Variants in WDR70 observed in about 807,000 individuals in gnomAD.
The protein encoded by WDR70 is WD repeat domain 70.
In WDR70, 53 loss-of-function variants were observed where a neutral mutation model predicts 88.6. That is an observed-to-expected ratio of 0.60 (90% CI 0.48 to 0.75). WDR70 has a LOEUF of 0.75. WDR70 is among the 30% of genes least tolerant of loss of function. WDR70 has a pLI of 0.00. For missense variants in WDR70, 610 were observed against 823.2 expected (o/e 0.74, Z 3.17); for synonymous variants, 280 against 270.0 (o/e 1.04, Z -0.36).
chr5:37,490,773 C>T (rs535298477), intron 8 of WDR70, among the ~76,000 whole-genome samples: 258 of 152,228 alleles, frequency 1.7e-3, no homozygotes, highest in African/African-American at 5.7e-3. Flanking sequence ...CTAGAGGCAG[C>T]ATCCACAGGG....
intron 10 of WDR70, among the ~76,000 whole-genome samples, chr5:37,635,759 G>A (rs946749878): frequency 6.6e-6 from 1 of 152,120 alleles, no homozygotes; most frequent in Non-Finnish European, 1.5e-5. Flanking sequence ...GATTGATATG[G>A]TTTGGCTGTG....
At chr5:37,660,028 A>G (rs921325480) in intron 10 of WDR70, among the ~76,000 whole-genome samples, 11 of 152,146 alleles carry the variant, frequency 7.2e-5, no homozygotes, top group African/African-American at 2.7e-4. Context: ...TTTATTTTTG[A>G]ACTATGGAAT....
At chr5:37,668,553 G>C (rs1029269142) in intron 10 of WDR70, among the ~76,000 whole-genome samples, 1 of 152,192 alleles carries the variant, frequency 6.6e-6, no homozygotes, top group African/African-American at 2.4e-5. Context: ...TTAATGTGAA[G>C]GTAACTTGTG....
chr5:37,478,042 C>T (rs1324010300), intron 7 of WDR70, among the ~76,000 whole-genome samples: 1 of 152,164 alleles, frequency 6.6e-6, no homozygotes, highest in Non-Finnish European at 1.5e-5. Flanking sequence ...GGCAGAAAAA[C>T]ATGCTTCATG....
chr5:37,445,775 T>C (rs1162411541), intron 7 of WDR70, among the ~76,000 whole-genome samples: 4 of 152,208 alleles, frequency 2.6e-5, no homozygotes, highest in Non-Finnish European at 2.9e-5. Flanking sequence ...AATTAGGTAT[T>C]GATGGGACAT....
chr5:37,658,116 G>A (rs1428529728), intron 10 of WDR70, among the ~76,000 whole-genome samples: 1 of 151,712 alleles, frequency 6.6e-6, no homozygotes, highest in Non-Finnish European at 1.5e-5. Flanking sequence ...TTAATTAAGT[G>A]GAAGTGGATC....
chr5:37,544,988 A>G (rs1741942480), intron 9 of WDR70, among the ~76,000 whole-genome samples: 1 of 152,074 alleles, frequency 6.6e-6, no homozygotes, highest in African/African-American at 2.4e-5. Context: ...CTTCTTCTGT[A>G]TTTTAAGTAT....
chr5:37,568,312 T>C (rs1187820504), intron 9 of WDR70, among the ~76,000 whole-genome samples: 1 of 152,204 alleles, frequency 6.6e-6, no homozygotes, highest in East Asian at 1.9e-4. Context: ...ACCTGGTCCT[T>C]ACCTTAAGTT....
chr5:37,677,340 TG>T (rs1746261031), intron 10 of WDR70, among the ~76,000 whole-genome samples: 1 of 152,206 alleles, frequency 6.6e-6, no homozygotes, highest in Admixed American at 6.5e-5. Flanking sequence ...GTGTCAATTT[TG>T]GATCTTTCCT....
At chr5:37,584,145 CCTT>C (rs1374205427) in intron 9 of WDR70, among the ~76,000 whole-genome samples, 1 of 152,100 alleles carries the variant, frequency 6.6e-6, no homozygotes, top group Non-Finnish European at 1.5e-5. Flanking sequence ...AATAGTAGTA[CCTT>C]CTTCAGAGAG....
chr5:37,403,111 TA>T (rs1455546577), intron 5 of WDR70, among the ~76,000 whole-genome samples: 1 of 151,908 alleles, frequency 6.6e-6, no homozygotes, highest in Admixed American at 6.6e-5. Context: ...CACGCCTGGC[TA>T]ATTTTTTGTA....
intron 7 of WDR70, among the ~76,000 whole-genome samples, chr5:37,464,584 G>C (rs758636110): frequency 2.0e-5 from 3 of 152,198 alleles, no homozygotes; most frequent in Non-Finnish European, 4.4e-5. Flanking sequence ...CTGGGGTTGA[G>C]ATACAACATC....
intron 10 of WDR70, among the ~76,000 whole-genome samples, chr5:37,611,611 T>C (rs1744194014): frequency 6.6e-6 from 1 of 152,074 alleles, no homozygotes; most frequent in Non-Finnish European, 1.5e-5. Context: ...CCAGTCTTAT[T>C]TGTGATAAAT....
At chr5:37,527,856 CA>C (rs1277236509) in intron 9 of WDR70, among the ~76,000 whole-genome samples, 3 of 152,194 alleles carry the variant, frequency 2.0e-5, no homozygotes, top group African/African-American at 4.8e-5. Flanking sequence ...GTCATTTATG[CA>C]GCCAACAGAC....
intron 8 of WDR70, among the ~76,000 whole-genome samples, chr5:37,487,129 G>T (rs1739897940): frequency 6.6e-6 from 1 of 152,158 alleles, no homozygotes; most frequent in Non-Finnish European, 1.5e-5. Context: ...ACTACTATAT[G>T]TTATAATTAC....
chr5:37,547,449 T>A (rs116404754), intron 9 of WDR70, among the ~76,000 whole-genome samples: 5,285 of 152,252 alleles, frequency 0.035, 315 homozygotes, highest in African/African-American at 0.12. Flanking sequence ...ATTTGTATAC[T>A]ATTTCTAAAT....
At chr5:37,452,411 G>T (rs181600532) in intron 7 of WDR70, among the ~76,000 whole-genome samples, 1 of 152,170 alleles carries the variant, frequency 6.6e-6, no homozygotes, top group Admixed American at 6.5e-5. Flanking sequence ...GATTACAGGT[G>T]CATGCCACCA....
chr5:37,599,170 T>TA (rs1743789916), intron 9 of WDR70, among the ~76,000 whole-genome samples: 2 of 152,186 alleles, frequency 1.3e-5, no homozygotes, highest in Admixed American at 6.5e-5. Flanking sequence ...GACCTTCTTT[T>TA]AAAAAATGCC....
At chr5:37,475,361 A>G (rs915387521) in intron 7 of WDR70, among the ~76,000 whole-genome samples, 16 of 152,002 alleles carry the variant, frequency 1.1e-4, no homozygotes, top group African/African-American at 3.9e-4. Context: ...CAGCCTCCCA[A>G]GTAGCTGGGA....
Sources: allele counts gnomAD v4.1 joint callset (sites outside exome capture counted in the v4.1 genomes callset), GRCh38; gene constraint gnomAD v4.1.1; transcripts MANE v1.5; gene names NCBI Gene and HGNC (gene_info 2026-07-23, HGNC 2026-07-21).